Variants in SNX9 observed in about 807,000 individuals in gnomAD.
SNX9 encodes sorting nexin 9.
SNX9 carries 44 observed loss-of-function variants against 89.4 expected under a neutral mutation model. That is an observed-to-expected ratio of 0.49 (90% confidence interval 0.39 to 0.63). The LOEUF (loss-of-function observed/expected upper bound fraction) is 0.63. Ranked by LOEUF, SNX9 falls within the 30% of genes least tolerant of loss-of-function variation. SNX9 has a pLI of 0.00. For synonymous variants in SNX9, 236 were observed against 247.8 expected, an observed-to-expected ratio of 0.95 and a Z score of 0.45; for missense variants, 578 against 736.1, an observed-to-expected ratio of 0.79 and a Z score of 2.49.
At chr6:157,826,627 G>C (rs1466562520) in intron 1 of SNX9, among the ~76,000 whole-genome samples, 1 of 149,248 alleles carries the variant, frequency 6.7e-6, no homozygotes, top group East Asian at 1.9e-4. Flanking sequence ...CTCACTCAGT[G>C]CAATCAAGTC....
At chr6:157,906,270 C>A in intron 7 of SNX9, 58 bp downstream of exon 7, 1 of 1,343,522 alleles carries the variant, frequency 7.4e-7, no homozygotes, top group Non-Finnish European at 1.0e-6. Context: ...TTATACCGTA[C>A]TTTAAAGCTA....
At chr6:157,878,815 T>C (rs1191453194) in intron 4 of SNX9, among the ~76,000 whole-genome samples, 2 of 152,196 alleles carry the variant, frequency 1.3e-5, no homozygotes, top group Admixed American at 6.5e-5. Flanking sequence ...ACTTCTGACT[T>C]ATGACGGATA....
At chr6:157,873,549 A>G (rs1008846525) in intron 3 of SNX9, among the ~76,000 whole-genome samples, 3 of 147,664 alleles carry the variant, frequency 2.0e-5, no homozygotes, top group Non-Finnish European at 3.0e-5. Context: ...ATCTGTTAAT[A>G]TATACATTTT....
intron 5 of SNX9, 90 bp from the exon 6 acceptor site, chr6:157,901,808 A>G: frequency 1.4e-6 from 2 of 1,472,630 alleles, no homozygotes; most frequent in African/African-American, 1.4e-5. Flanking sequence ...TTTGCCCAGT[A>G]GGTAGTTACT....
At position 157,914,469 on chromosome 6, in the gene SNX9, C is replaced by CTTTT. The variant is rs34419515; in HGVS notation, c.949+4464_949+4467dup. The stretch of plus-strand genomic sequence containing the variant: ...TGGCTTGGCTTGTCATTTTCTTTTT[C>CTTTT]TTTTTTTTTTTTTTTTTTTTTTTGG... On this transcript the variant is annotated intron_variant, in intron 9 of 17. Transcript: ENST00000392185. 3.6e-3 allele frequency among the ~76,000 whole-genome samples: 273 copies of CTTTT among 75,098 alleles called. 12 individuals are homozygous for CTTTT. Among genetic ancestry groups the CTTTT allele is most frequent in the Middle Eastern group, 0.014 (1 of 72 alleles). 49.3% of individuals were successfully genotyped at this position (75,098 alleles called of 152,430 possible). A position where few individuals can be genotyped will look rare whatever the true frequency, so the allele number is the denominator to read the frequency against.
At chr6:157,869,423 A>T (rs1782342444) in intron 2 of SNX9, among the ~76,000 whole-genome samples, 2 of 151,998 alleles carry the variant, frequency 1.3e-5, no homozygotes, top group African/African-American at 2.4e-5. Flanking sequence ...CACCCATGTG[A>T]TGCTCAGCCT....
chr6:157,823,347 C>A lies in SNX9; in HGVS notation c.-88C>A. 1 of 1,188,840 alleles carries A rather than the reference C, an allele frequency of 8.4e-7. No individual in the cohort carries two copies. Among genetic ancestry groups the A allele is most frequent in the South Asian group, 2.2e-5 (1 of 44,542 alleles). The allele number at this position is 1,188,840 out of a possible 1,614,324, so 73.6% of individuals were successfully genotyped here. A position where few individuals can be genotyped will look rare whatever the true frequency, so the allele number is the denominator to read the frequency against. On this transcript the variant is annotated 5_prime_UTR_variant, in exon 1 of 18. Coordinates refer to ENST00000392185, the MANE Select transcript of SNX9 (RefSeq NM_016224.5). The surrounding 1 kb of genome is among the most constrained non-coding windows in gnomAD (Gnocchi z 4.6). ...GGGGCCCAGCCGGAGCCGCCGCCCT[C>A]GCCCTTGCCTTTGCCTGCGCGGCTC...
chr6:157,921,798 C>T (rs1303105493), intron 10 of SNX9, 137 bp downstream of exon 10: 1 of 1,005,370 alleles, frequency 9.9e-7, no homozygotes, highest in Admixed American at 2.7e-5. Context: ...GGGACAGAAA[C>T]CTAAATCCCC....
At chr6:157,840,934 T>C (rs997312832) in intron 1 of SNX9, among the ~76,000 whole-genome samples, 3 of 152,208 alleles carry the variant, frequency 2.0e-5, no homozygotes, top group African/African-American at 7.2e-5. Context: ...CACATAGACA[T>C]AAGCAAAGTA....
chr6:157,867,552 G>A lies in SNX9; in HGVS notation c.18G>A (p.Arg6=), dbSNP rs1429668261. 3 of 1,611,086 alleles carry A rather than the reference G, an allele frequency of 1.9e-6. No individual in the cohort carries two copies. Among genetic ancestry groups the A allele is most frequent in the Non-Finnish European group, 2.5e-6 (3 of 1,177,914 alleles). ...TTCCTCTCCACTCCTGATAGGCTCG[G>A]GTTATGTATGATTTTGCTGCTGAAC... MATKA[R]VMYDFAAEPG... is the part of the protein sequence containing the mutation. The change falls in exon 2 of 18, where the codon CGG becomes CGA. Residue 6 remains arginine, a synonymous_variant. Coordinates refer to ENST00000392185, the MANE Select transcript of SNX9 (RefSeq NM_016224.5).
intron 1 of SNX9, among the ~76,000 whole-genome samples, chr6:157,860,566 C>G (rs1782100324): frequency 1.3e-5 from 2 of 152,232 alleles, no homozygotes; most frequent in Non-Finnish European, 2.9e-5. Flanking sequence ...GATGCCACCA[C>G]ATCAAATCAC....
chr6:157,830,019 A>G (rs1316066546), intron 1 of SNX9, among the ~76,000 whole-genome samples: 5 of 152,192 alleles, frequency 3.3e-5, no homozygotes, highest in Non-Finnish European at 4.4e-5. Context: ...CTTTTCCTGA[A>G]TTACAAAAAG....
chr6:157,836,806 T>C (rs187375688), intron 1 of SNX9, among the ~76,000 whole-genome samples: 93 of 152,218 alleles, frequency 6.1e-4, no homozygotes, highest in African/African-American at 1.9e-3. Flanking sequence ...TTAGCCCGGA[T>C]GGTCTCGATC....
chr6:157,845,286 A>G (rs1781786630), intron 1 of SNX9, among the ~76,000 whole-genome samples: 1 of 150,732 alleles, frequency 6.6e-6, no homozygotes, highest in Non-Finnish European at 1.5e-5. Flanking sequence ...TTTTTTTTGT[A>G]TTTTAGTAGA....
chr6:157,931,015 C>T (rs564017842), intron 12 of SNX9, among the ~76,000 whole-genome samples: 1 of 152,312 alleles, frequency 6.6e-6, no homozygotes, highest in South Asian at 2.1e-4. Flanking sequence ...AATGTCTGAT[C>T]AACTCCATGT....
chr6:157,927,841 C>T (rs994653832), intron 11 of SNX9, among the ~76,000 whole-genome samples: 17 of 150,938 alleles, frequency 1.1e-4, no homozygotes, highest in Non-Finnish European at 2.4e-4. Context: ...ATTCTCCTGC[C>T]TCAGCCTCTC....
intron 13 of SNX9, among the ~76,000 whole-genome samples, chr6:157,932,834 T>C (rs1783840046): frequency 8.2e-6 from 1 of 121,900 alleles, no homozygotes; most frequent in African/African-American, 3.3e-5. Context: ...ACCAGTGCAC[T>C]CCAGCCTGGG....
In SNX9 at chr6:157,873,137, C is replaced by G; in HGVS notation, c.135C>G (p.Ile45Met). The G allele has an allele frequency of 6.3e-7, 1 of 1,596,582 alleles. No homozygotes were observed. The highest frequency in any genetic ancestry group is 8.5e-7 in the Non-Finnish European group (1 of 1,171,998). The change falls in exon 3 of 18, where the codon ATC becomes ATG. Residue 45 changes from isoleucine (I) to methionine (M), a missense_variant. Physicochemically the swap from Ile to Met is conservative, Grantham distance 10. This residue lies in a region of SNX9 where 230 missense variants were observed against 244.7 expected (regional missense o/e 0.94). Transcript: ENST00000392185. ...VGGGWLEGRNIKGERGLVPTD... is the reference protein window; with the variant it reads ...VGGGWLEGRNMKGERGLVPTD... The stretch of plus-strand genomic sequence containing the variant: ...GAGGATGGCTGGAAGGAAGAAACAT[C>G]AAAGGAGAACGAGGGCTGGTTCCCA...
At chr6:157,918,261 G>A (rs543313167) in intron 9 of SNX9, among the ~76,000 whole-genome samples, 13 of 152,034 alleles carry the variant, frequency 8.6e-5, no homozygotes, top group African/African-American at 2.7e-4. Flanking sequence ...CTGTCACTTT[G>A]TTTTATGTAT....
Sources: allele counts gnomAD v4.1 joint callset (sites outside exome capture counted in the v4.1 genomes callset), GRCh38; gene constraint gnomAD v4.1.1; regional missense constraint gnomAD v4.1.1; non-coding constraint Gnocchi (gnomAD v3.1); transcripts MANE v1.5; gene names NCBI Gene and HGNC (gene_info 2026-07-23, HGNC 2026-07-21).